The following ME3 variants were observed in gnomAD, a reference collection of about 807,000 sequenced individuals.
ME3 encodes malic enzyme 3.
A neutral mutation model predicts 68.9 loss-of-function variants in ME3; 48 were observed. The ratio of observed to expected loss-of-function variants is 0.70; its 90% CI spans 0.55 to 0.89. The LOEUF (loss-of-function observed/expected upper bound fraction) is 0.89, where lower values mean the gene tolerates loss of function less well. ME3 is among the 40% of genes least tolerant of loss of function. ME3 has a pLI of 0.00. For synonymous variants in ME3, 320 were observed against 318.8 expected (o/e 1.00, Z -0.04); for missense variants, 675 against 797.4 (o/e 0.85, Z 1.85).
intron 2 of ME3, among the ~76,000 whole-genome samples, chr11:86,568,667 C>G (rs559427077): frequency 6.6e-6 from 1 of 152,360 alleles, no homozygotes; most frequent in South Asian, 2.1e-4. Context: ...TCCCAGCCTT[C>G]TGCTCTTCAG....
intron 4 of ME3, among the ~76,000 whole-genome samples, chr11:86,520,511 A>G (rs995647138): frequency 6.6e-6 from 1 of 151,908 alleles, no homozygotes; most frequent in East Asian, 1.9e-4. Flanking sequence ...TTGAAGACCA[A>G]CGAGAATTAG....
rs563645432 is a variant in ME3 at position 86,521,209 on chromosome 11, C to A, written c.468-12342G>T. ...GAGATTGAGACCATCCTGGCTAACA[C>A]GGTGAAACACTGTCTCCACTAAAAA... On this transcript the variant is annotated intron_variant, in intron 4 of 14. Transcript: ENST00000543262. Among the ~76,000 whole-genome samples the A allele has an allele frequency of 1.3e-3, 197 of 152,146 alleles. No individual in the cohort carries two copies. The Middle Eastern group carries it at 0.014, about 11-fold the overall frequency.
At chr11:86,493,358 A>G (rs150817399) in intron 6 of ME3, among the ~76,000 whole-genome samples, 3 of 152,344 alleles carry the variant, frequency 2.0e-5, no homozygotes, top group South Asian at 4.1e-4. Flanking sequence ...GACTTCTGCC[A>G]AGAGAAGATC....
At chr11:86,465,015 AC>A in intron 8 of ME3, 75 bp downstream of exon 8, 1 of 1,215,444 alleles carries the variant, frequency 8.2e-7, no homozygotes, top group Non-Finnish European at 1.2e-6. Flanking sequence ...GCCTTTCCTC[AC>A]CCCTTTGGCA....
chr11:86,559,403 T>G (rs945484574), intron 3 of ME3, among the ~76,000 whole-genome samples: 1 of 152,226 alleles, frequency 6.6e-6, no homozygotes, highest in Non-Finnish European at 1.5e-5. Context: ...GTGCTTCTTA[T>G]GCTGACTCAG....
chr11:86,522,599 C>T (rs537127909), intron 4 of ME3, among the ~76,000 whole-genome samples: 1 of 151,820 alleles, frequency 6.6e-6, no homozygotes, highest in Non-Finnish European at 1.5e-5. Flanking sequence ...TTTCACTGTT[C>T]AACTCCCACA....
At chr11:86,453,083 C>T (rs1949723432) in intron 8 of ME3, among the ~76,000 whole-genome samples, 1 of 152,040 alleles carries the variant, frequency 6.6e-6, no homozygotes, top group African/African-American at 2.4e-5. Context: ...ACTGCAACCT[C>T]TGCCTCCTGG....
chr11:86,605,811 A>T (rs976552224), intron 2 of ME3, among the ~76,000 whole-genome samples: 29 of 151,674 alleles, frequency 1.9e-4, no homozygotes, highest in African/African-American at 7.0e-4. Context: ...GGAGGGTTAG[A>T]GCTCAAACCC....
intron 4 of ME3, among the ~76,000 whole-genome samples, chr11:86,550,458 A>G (rs969287647): frequency 5.9e-5 from 9 of 152,194 alleles, no homozygotes; most frequent in East Asian, 3.9e-4. Flanking sequence ...TGCTCTCCCT[A>G]TAACAGCCAA....
Position 86,567,746 on chromosome 11 carries a change from C to A in ME3, c.184-7923G>T, listed in dbSNP as rs1237669416. On this transcript the variant is annotated intron_variant, in intron 2 of 14. Transcript: ENST00000543262. The stretch of plus-strand genomic sequence containing the variant: ...TTTCATCCTGAAGCTAATATTAAGG[C>A]AACCTCAGATTTACAAGTCTGCAAA... Among the ~76,000 whole-genome samples, 6 of 152,196 alleles carry A rather than the reference C, an allele frequency of 3.9e-5. No homozygotes were observed. In the East Asian group the frequency reaches 1.2e-3, roughly 29 times the overall value.
chr11:86,438,784 T>G (rs374244732), downstream of ME3, among the ~76,000 whole-genome samples: 51 of 152,300 alleles, frequency 3.3e-4, no homozygotes, highest in African/African-American at 1.2e-3. Context: ...TTTCTTTCTC[T>G]TCTGATATAG....
chr11:86,515,338 A>G (rs1327953275), intron 4 of ME3, among the ~76,000 whole-genome samples: 1 of 152,198 alleles, frequency 6.6e-6, no homozygotes, highest in Non-Finnish European at 1.5e-5. Flanking sequence ...TTGCAACACT[A>G]TCCAGAGGGC....
At chr11:86,493,310 A>G (rs1952110941) in intron 6 of ME3, among the ~76,000 whole-genome samples, 1 of 152,188 alleles carries the variant, frequency 6.6e-6, no homozygotes, top group African/African-American at 2.4e-5. Context: ...AGAAGAGCAC[A>G]CAGCATCTCC....
intron 4 of ME3, among the ~76,000 whole-genome samples, chr11:86,522,155 T>C (rs78564595): frequency 0.17 from 25,480 of 151,824 alleles, 2,337 homozygotes; most frequent in African/African-American, 0.24. Context: ...GAGGCTGAGG[T>C]AGGAGAATTG....
At chr11:86,635,746 C>T (rs1366847945) in intron 2 of ME3, among the ~76,000 whole-genome samples, 1 of 152,064 alleles carries the variant, frequency 6.6e-6, no homozygotes, top group Non-Finnish European at 1.5e-5. Flanking sequence ...ACTTTTTTTC[C>T]TTTCTAAATT....
chr11:86,632,308 C>CT (rs1483359278), intron 2 of ME3, among the ~76,000 whole-genome samples: 5 of 152,064 alleles, frequency 3.3e-5, no homozygotes, highest in African/African-American at 4.8e-5. Flanking sequence ...ACTGCCTGAT[C>CT]CGAGAGCCTA....
At chr11:86,650,123 G>C (rs778319642) in intron 2 of ME3, among the ~76,000 whole-genome samples, 16 of 152,148 alleles carry the variant, frequency 1.1e-4, no homozygotes, top group Non-Finnish European at 2.1e-4. Flanking sequence ...TAGACTAATG[G>C]AACAGAACAG....
At chr11:86,636,271 T>G (rs376659441) in intron 2 of ME3, among the ~76,000 whole-genome samples, 14,280 of 152,088 alleles carry the variant, frequency 0.094, 693 homozygotes, top group South Asian at 0.13. Context: ...TTCTTTTTTT[T>G]TTTGTTTGTT....
intron 2 of ME3, among the ~76,000 whole-genome samples, chr11:86,585,322 T>C (rs1007954392): frequency 6.6e-6 from 1 of 152,212 alleles, no homozygotes; most frequent in Non-Finnish European, 1.5e-5. Context: ...TTTCCTGCAA[T>C]GGTCCAGTTA....
Sources: gnomAD v4.1 joint callset for allele counts (sites outside exome capture counted in the v4.1 genomes callset) on GRCh38, gnomAD v4.1.1 for gene constraint, MANE v1.5 for transcripts, NCBI Gene and HGNC (gene_info 2026-07-23, HGNC 2026-07-21) for gene names.